ANKRD36C: variants seen among roughly 807,000 people sequenced by gnomAD.
ANKRD36C encodes the protein ankyrin repeat domain-containing protein 36C.
Under a neutral mutation model 276.4 loss-of-function variants are expected in ANKRD36C, and 61 were observed. The observed-to-expected ratio is 0.22, with a 90% confidence interval of 0.18 to 0.27. The LOEUF is 0.27. ANKRD36C is among the 10% of genes least tolerant of loss of function. The pLI is 1.00. For synonymous variants in ANKRD36C, 483 were observed against 680.1 expected (o/e 0.71, Z 4.51); for missense variants, 1,447 against 2,032.3 (o/e 0.71, Z 5.54).
intron 20 of ANKRD36C, 117 bp from the exon 21 acceptor site, chr2:95,939,132 C>T: frequency 2.9e-5 from 42 of 1,472,430 alleles, no homozygotes; most frequent in Non-Finnish European, 3.7e-5. Context: ...AATTGTTACC[C>T]ATTAGGCTTT....
At chr2:95,927,527 T>A (rs1191229643) in intron 26 of ANKRD36C, 118 bp from the exon 27 acceptor site, 2 of 1,483,918 alleles carry the variant, frequency 1.3e-6, no homozygotes, top group Non-Finnish European at 1.8e-6. Context: ...TAGGCTTTGA[T>A]GTTTTCTACT....
intron 6 of ANKRD36C, among the ~76,000 whole-genome samples, chr2:95,968,875 TA>T (rs1678645105): frequency 6.6e-6 from 1 of 152,192 alleles, no homozygotes; most frequent in African/African-American, 2.4e-5. Flanking sequence ...GAAACATATT[TA>T]CCAGTTTCTT....
intron 1 of ANKRD36C, among the ~76,000 whole-genome samples, chr2:95,990,388 A>G (rs912968986): frequency 2.0e-5 from 3 of 152,352 alleles, no homozygotes; most frequent in South Asian, 2.1e-4. Context: ...GCACCAACCT[A>G]ATAAATTCTT....
chr2:95,927,961 T>C (rs1677455860), intron 26 of ANKRD36C, among the ~76,000 whole-genome samples: 1 of 151,602 alleles, frequency 6.6e-6, no homozygotes, highest in Admixed American at 6.6e-5. Flanking sequence ...TAGTAGATAA[T>C]ATTATTTCTC....
chr2:95,879,993 C>T (rs1676040639), intron 58 of ANKRD36C, among the ~76,000 whole-genome samples: 1 of 141,072 alleles, frequency 7.1e-6, no homozygotes, highest in African/African-American at 2.7e-5. Flanking sequence ...CCAGCCTGAC[C>T]AACATGGAGA....
At chr2:95,886,070 C>G (rs761028664) in exon 52 of ANKRD36C, 266 of 1,611,076 alleles carry the variant, frequency 1.7e-4, no homozygotes, top group Non-Finnish European at 2.2e-4. Flanking sequence ...TTTGTCCATC[C>G]TTTATCTCTG....
chr2:95,864,134 TA>T (rs1216228683), intron 60 of ANKRD36C, among the ~76,000 whole-genome samples: 9 of 150,354 alleles, frequency 6.0e-5, no homozygotes, highest in African/African-American at 2.3e-4. Flanking sequence ...AAAACTGGTC[TA>T]AAAATAAAAG....
exon 42 of ANKRD36C, chr2:95,912,266 C>A: frequency 5.1e-6 from 8 of 1,554,560 alleles, no homozygotes; most frequent in Non-Finnish European, 7.0e-6. Context: ...TTTCTCCATC[C>A]TTTTTTTCTC....
In ANKRD36C at chr2:95,892,302, G is replaced by A. The variant is rs533611307; in HGVS notation, c.2756-442C>T. 1.9e-3 allele frequency among the ~76,000 whole-genome samples: 289 copies of A among 151,574 alleles called. 1 individual carries two copies. The highest frequency in any genetic ancestry group is 6.8e-3 in the Middle Eastern group (2 of 294). ...TTCATCATGCTCTTTAACTTGCCCA[G>A]TTAATGAGAAGGCACACAATTACGA... is the stretch of plus-strand genomic sequence containing the variant. On this transcript the variant is annotated intron_variant, in intron 44 of 66. Transcript: ENST00000456556.
intron 6 of ANKRD36C, among the ~76,000 whole-genome samples, chr2:95,973,954 G>A (rs1310946313): frequency 6.6e-6 from 1 of 152,012 alleles, no homozygotes; most frequent in African/African-American, 2.4e-5. Context: ...AGGAGGCTGA[G>A]GTAGGAGGAC....
At chr2:95,878,884 T>C (rs898950070) in intron 58 of ANKRD36C, among the ~76,000 whole-genome samples, 7 of 152,234 alleles carry the variant, frequency 4.6e-5, no homozygotes, top group African/African-American at 1.2e-4. Context: ...GTACAGCCAC[T>C]ATGGAGAACA....
chr2:95,897,143 A>G, intron 44 of ANKRD36C, 127 bp downstream of exon 60: 1 of 1,097,896 alleles, frequency 9.1e-7, no homozygotes. Context: ...CTTATTTGAA[A>G]TGAAGAATCT....
rs1677423349 is a variant in ANKRD36C at position 95,927,069 on chromosome 2, C to G, written c.1939+145G>C. ...AGATCATGTCAAAGACCAGCAGCATCAGTGTCACCTGAGAACTGAAGAATC... is the reference window on the plus strand; with the variant it reads ...AGATCATGTCAAAGACCAGCAGCATGAGTGTCACCTGAGAACTGAAGAATC... On this transcript the variant is annotated intron_variant, in intron 28 of 66. Coordinates refer to ENST00000456556, the Ensembl canonical transcript of ANKRD36C. 3 of 1,186,678 alleles carry G rather than the reference C, an allele frequency of 2.5e-6. No individual in the cohort carries two copies. In the African/African-American group the frequency reaches 4.6e-5, roughly 18 times the overall value. 73.5% of individuals were successfully genotyped at this position (1,186,678 alleles called of 1,614,324 possible).
chr2:95,878,892 A>G (rs1195949287), intron 58 of ANKRD36C, among the ~76,000 whole-genome samples: 1 of 152,192 alleles, frequency 6.6e-6, no homozygotes, highest in Non-Finnish European at 1.5e-5. Context: ...ACTATGGAGA[A>G]CAGTATAGAG....
intron 42 of ANKRD36C, among the ~76,000 whole-genome samples, chr2:95,907,833 T>C (rs1247751097): frequency 6.7e-6 from 1 of 149,954 alleles, no homozygotes; most frequent in East Asian, 2.0e-4. Flanking sequence ...TGATGCCTCC[T>C]AGTAACCAAG....
At chr2:95,919,638 G>T in intron 34 of ANKRD36C, 95 bp downstream of exon 36, 1 of 623,652 alleles carries the variant, frequency 1.6e-6, no homozygotes, top group Non-Finnish European at 2.0e-6. Flanking sequence ...CAGCTTCGGC[G>T]ACTCCCCCCA....
At chr2:95,856,298 A>C (rs1675410420) in intron 62 of ANKRD36C, 118 bp from the exon 83 acceptor site, 22 of 1,532,240 alleles carry the variant, frequency 1.4e-5, no homozygotes, top group Non-Finnish European at 1.9e-5. Context: ...ATAACTGGAT[A>C]TCTAACTGGG....
chr2:95,918,643 G>A (rs1204056195), intron 34 of ANKRD36C, among the ~76,000 whole-genome samples: 1 of 151,618 alleles, frequency 6.6e-6, no homozygotes, highest in Non-Finnish European at 1.5e-5. Flanking sequence ...GTAATAATTT[G>A]CCTAAGTTTC....
intron 6 of ANKRD36C, among the ~76,000 whole-genome samples, chr2:95,973,208 T>C (rs1678732960): frequency 6.6e-6 from 1 of 152,068 alleles, no homozygotes; most frequent in African/African-American, 2.4e-5. Context: ...GGTCAGGAGA[T>C]GGAGACCATC....
Sources: gnomAD v4.1 joint callset for allele counts (sites outside exome capture counted in the v4.1 genomes callset) on GRCh38, gnomAD v4.1.1 for gene constraint, MANE v1.5 for transcripts, NCBI Gene and HGNC (gene_info 2026-07-23, HGNC 2026-07-21) for gene names.